EXOC2: variants seen among roughly 807,000 people sequenced by gnomAD.
EXOC2 encodes the protein exocyst complex component 2.
Under a neutral mutation model 131.8 loss-of-function variants are expected in EXOC2, and 70 were observed. The observed-to-expected ratio is 0.53, with a 90% CI of 0.44 to 0.65. EXOC2 has a LOEUF of 0.65. EXOC2 is among the 30% of genes least tolerant of loss of function. The pLI, the probability that EXOC2 is intolerant of heterozygous loss-of-function variation, is 0.00. For missense variants in EXOC2, 923 were observed against 1,108.6 expected (o/e 0.83, Z 2.38); for synonymous variants, 411 against 398.4 (o/e 1.03, Z -0.38).
chr6:576,855 A>G lies in EXOC2; in HGVS notation c.1220T>C (p.Leu407Ser). The G allele has an allele frequency of 6.2e-7, 1 of 1,614,106 alleles. No homozygotes were observed. The highest frequency in any genetic ancestry group is 1.1e-5 in the South Asian group (1 of 91,060). ...KGNPGLHSPMLDLDNDTRPSV... is the reference protein window; with the variant it reads ...KGNPGLHSPMSDLDNDTRPSV... ...GGGACGTGTATCATTATCAAGATCC[A>G]ACATGGGACTGTGCAGGCCTGGGTT... Residue 407 changes from leucine (L) to serine (S), a missense_variant, in exon 12 of 28, where the codon TTG (leucine) becomes TCG (serine). By Grantham distance (145) the Leu-to-Ser change is moderately radical (BLOSUM62 -2). Coordinates refer to ENST00000230449, the MANE Select transcript of EXOC2 (RefSeq NM_018303.6).
rs114362730 is a variant in EXOC2, at chr6:609,683, C to A, written c.742+415G>T. 6.4e-3 allele frequency among the ~76,000 whole-genome samples: 978 copies of A among 152,116 alleles called. 12 individuals carry two copies. The highest frequency in any genetic ancestry group is 0.022 in the African/African-American group (905 of 41,478). On this transcript the variant is annotated intron_variant, in intron 7 of 27. Coordinates refer to ENST00000230449, the MANE Select transcript of EXOC2 (RefSeq NM_018303.6). ...GGCAAGTTATACACAAATAAATGAC[C>A]CCTAAGAATCTGTTACTCTTGTGGC... is the stretch of plus-strand genomic sequence containing the variant.
At chr6:630,033 T>C (rs17756886) in intron 3 of EXOC2, 72 bp from the exon 4 acceptor site, 230,098 of 1,547,486 alleles carry the variant, frequency 0.15, 18,370 homozygotes, top group African/African-American at 0.18. Context: ...TGGCCTATTG[T>C]CTGACTTCTT....
intron 1 of EXOC2, among the ~76,000 whole-genome samples, chr6:677,471 C>T (rs1764199007): frequency 6.6e-6 from 1 of 152,202 alleles, no homozygotes; most frequent in South Asian, 2.1e-4. Flanking sequence ...AGCCATCAAT[C>T]AACAGATAAT....
In EXOC2 at chr6:529,123, C is replaced by CG. The variant is rs200254367; in HGVS notation, c.2380+3345_2380+3346insC. 9.7e-4 allele frequency among the ~76,000 whole-genome samples: 148 copies of CG among 152,002 alleles called. 1 individual carries two copies. The highest frequency in any genetic ancestry group is 1.2e-3 in the Non-Finnish European group (80 of 67,948). ...CGGCATCGCCTGCCTTTTACCCCCC[C>CG]CCGCGCCCTGGTTACTGCTCACTCA... is the stretch of plus-strand genomic sequence containing the variant. On this transcript the variant is annotated intron_variant, in intron 23 of 27. Coordinates refer to ENST00000230449, the MANE Select transcript of EXOC2 (RefSeq NM_018303.6).
intron 1 of EXOC2, among the ~76,000 whole-genome samples, chr6:672,011 T>C (rs1763896431): frequency 6.6e-6 from 1 of 152,226 alleles, no homozygotes; most frequent in African/African-American, 2.4e-5. Context: ...CAGCCATTAT[T>C]ACGGCAAATA....
chr6:545,565 T>C (rs749463163), intron 22 of EXOC2, among the ~76,000 whole-genome samples: 3 of 152,092 alleles, frequency 2.0e-5, no homozygotes, highest in Non-Finnish European at 4.4e-5. Context: ...ACCTCCTAAA[T>C]AGAAAAAGGC....
At chr6:650,577 G>A (rs552502282) in intron 1 of EXOC2, among the ~76,000 whole-genome samples, 12 of 152,238 alleles carry the variant, frequency 7.9e-5, no homozygotes, top group South Asian at 4.2e-4. Context: ...TATAGGCAAC[G>A]TATCTCTGCA....
chr6:609,826 T>A (rs1422222014), intron 7 of EXOC2, among the ~76,000 whole-genome samples: 1 of 152,230 alleles, frequency 6.6e-6, no homozygotes, highest in Non-Finnish European at 1.5e-5. Context: ...GCTGTTTATA[T>A]GCTGGTTGGT....
chr6:592,688 C>T (rs1381786625), intron 10 of EXOC2, 101 bp from the exon 11 acceptor site: 4 of 785,796 alleles, frequency 5.1e-6, no homozygotes, highest in Admixed American at 2.4e-5. Context: ...GTCTTGTGCC[C>T]TGTCAAATAT....
At chr6:682,042 C>A (rs928426010) in intron 1 of EXOC2, among the ~76,000 whole-genome samples, 1 of 152,124 alleles carries the variant, frequency 6.6e-6, no homozygotes, top group Admixed American at 6.5e-5. Flanking sequence ...CAATTAGCAC[C>A]GGCATTGGTG....
chr6:620,865 C>T (rs1319427998), intron 4 of EXOC2, among the ~76,000 whole-genome samples: 1 of 152,128 alleles, frequency 6.6e-6, no homozygotes, highest in Non-Finnish European at 1.5e-5. Context: ...GAATGTCCTT[C>T]GGGGCCTGTG....
At chr6:571,206 A>G (rs1758258872) in intron 13 of EXOC2, among the ~76,000 whole-genome samples, 1 of 152,262 alleles carries the variant, frequency 6.6e-6, no homozygotes, top group South Asian at 2.1e-4. Flanking sequence ...CAAAGAAAAG[A>G]AAGTTGTGTA....
At chr6:490,989 C>A in intron 26 of EXOC2, 136 bp downstream of exon 26, 1 of 860,850 alleles carries the variant, frequency 1.2e-6, no homozygotes, top group Non-Finnish European at 1.9e-6. Context: ...TACAAAGTGG[C>A]CTTGACATAA....
At chr6:686,947 CAA>C (rs1311740513) in intron 1 of EXOC2, among the ~76,000 whole-genome samples, 5 of 151,444 alleles carry the variant, frequency 3.3e-5, no homozygotes, top group Non-Finnish European at 5.9e-5. Flanking sequence ...AATAGGAAAA[CAA>C]AAGAGTTTCA....
chr6:660,727 T>C (rs1259005303), intron 1 of EXOC2, among the ~76,000 whole-genome samples: 2 of 151,832 alleles, frequency 1.3e-5, no homozygotes, highest in African/African-American at 2.4e-5. Flanking sequence ...CCCGGTAATA[T>C]GACAAAACAA....
At chr6:611,552 AGACT>A (rs1434008153) in intron 6 of EXOC2, among the ~76,000 whole-genome samples, 1 of 152,224 alleles carries the variant, frequency 6.6e-6, no homozygotes, top group African/African-American at 2.4e-5. Flanking sequence ...TTTTGCTGAC[AGACT>A]AACTTCCTCC....
chr6:537,743 C>G (rs1208659115), intron 22 of EXOC2, among the ~76,000 whole-genome samples: 1 of 152,194 alleles, frequency 6.6e-6, no homozygotes, highest in African/African-American at 2.4e-5. Flanking sequence ...GTTATCCAAA[C>G]TCAGCAATAA....
intron 27 of EXOC2, among the ~76,000 whole-genome samples, chr6:487,502 A>G (rs778665235): frequency 6.6e-6 from 1 of 151,846 alleles, no homozygotes; most frequent in South Asian, 2.1e-4. Context: ...CACCTCCCGG[A>G]TTCAAGCAAT....
rs1763675793 is a variant in EXOC2 at position 667,662 on chromosome 6, A to T, written c.-44+25357T>A. Among the ~76,000 whole-genome samples the T allele has an allele frequency of 2.1e-5, 2 of 96,630 alleles. 1 individual carries two copies. The highest frequency in any genetic ancestry group is 4.9e-5 in the Non-Finnish European group (2 of 40,816). 63.4% of individuals were successfully genotyped at this position (96,630 alleles called of 152,430 possible). ...CTGAGCTTTGGATTCCCAGGCTTAT[A>T]CCAGTGACCCCTGCCCCCCAGGTTC... is the stretch of plus-strand genomic sequence containing the variant. On this transcript the variant is annotated intron_variant, in intron 1 of 27. Transcript: ENST00000230449.
Sources: allele counts gnomAD v4.1 joint callset (sites outside exome capture counted in the v4.1 genomes callset), GRCh38; gene constraint gnomAD v4.1.1; transcripts MANE v1.5; gene names NCBI Gene and HGNC (gene_info 2026-07-23, HGNC 2026-07-21).